The following PARD3 variants were observed in gnomAD, a reference collection of about 807,000 sequenced individuals.
PARD3 encodes the protein par-3 family cell polarity regulator.
PARD3 carries 75 observed loss-of-function variants against 155.4 expected under a neutral mutation model. That is an observed-to-expected ratio of 0.48 (90% CI 0.40 to 0.58). The LOEUF (loss-of-function observed/expected upper bound fraction) is 0.58, where lower values mean the gene tolerates loss of function less well. Among genes scored for constraint, PARD3 ranks in the 20% least tolerant of loss-of-function variants. The pLI is 0.00. For synonymous variants in PARD3, 576 were observed against 610.5 expected (o/e 0.94, Z 0.83); for missense variants, 1,642 against 1,721.7 (o/e 0.95, Z 0.82).
intron 1 of PARD3, among the ~76,000 whole-genome samples, chr10:34,717,108 T>C (rs2094533469): frequency 6.6e-6 from 1 of 152,172 alleles, no homozygotes; most frequent in Non-Finnish European, 1.5e-5. Context: ...GTGCAGCTGG[T>C]GACCTGGGCC....
intron 14 of PARD3, among the ~76,000 whole-genome samples, chr10:34,351,209 T>A (rs1838041566): frequency 6.6e-6 from 1 of 152,202 alleles, no homozygotes. Flanking sequence ...TAAAACTGGA[T>A]TCTCACTGGT....
chr10:34,813,938 A>G lies in PARD3; in HGVS notation c.120+938T>C, dbSNP rs7921894. On this transcript the variant is annotated intron_variant, in intron 1 of 24. Transcript: ENST00000374788. The stretch of plus-strand genomic sequence containing the variant: ...TTGTCAAACACAGACACAGTCGGTA[A>G]AACAATTTAACAAAACGCCTTTTCA... Among the ~76,000 whole-genome samples the G allele has an allele frequency of 3.3e-5, 5 of 152,374 alleles. No individual in the cohort carries two copies. In the South Asian group the frequency reaches 8.3e-4, roughly 25 times the overall value.
At chr10:34,731,888 T>C (rs962217141) in intron 1 of PARD3, among the ~76,000 whole-genome samples, 1 of 152,176 alleles carries the variant, frequency 6.6e-6, no homozygotes, top group African/African-American at 2.4e-5. Context: ...GAGACAAGTA[T>C]AATGAGAAAT....
chr10:34,501,362 C>CT (rs960296127), intron 3 of PARD3, among the ~76,000 whole-genome samples: 20 of 152,120 alleles, frequency 1.3e-4, no homozygotes, highest in Non-Finnish European at 2.9e-5. Flanking sequence ...GACGTGCCTC[C>CT]TCCCCCTTCA....
At chr10:34,396,610 T>C (rs1241778156) in intron 7 of PARD3, among the ~76,000 whole-genome samples, 3 of 152,220 alleles carry the variant, frequency 2.0e-5, no homozygotes, top group Non-Finnish European at 2.9e-5. Flanking sequence ...CATGTATTTG[T>C]CACTTTTATA....
chr10:34,727,440 A>G lies in PARD3; in HGVS notation c.121-31021T>C, dbSNP rs574678147. Among the ~76,000 whole-genome samples the G allele has an allele frequency of 7.9e-5, 12 of 152,290 alleles. No individual in the cohort carries two copies. The East Asian group carries it at 2.3e-3, about 29-fold the overall frequency. On this transcript the variant is annotated intron_variant, in intron 1 of 24. Coordinates refer to ENST00000374788, the MANE Select transcript of PARD3 (RefSeq NM_001184785.2). The stretch of plus-strand genomic sequence containing the variant: ...CTGCAGGCAGGGCAAGCCTCATAGG[A>G]CCCAAAGTACATCAGTCCTTCCAGA...
chr10:34,261,602 T>C (rs1954963506), intron 22 of PARD3, among the ~76,000 whole-genome samples: 1 of 151,686 alleles, frequency 6.6e-6, no homozygotes, highest in African/African-American at 2.4e-5. Flanking sequence ...GGCAGAAGAA[T>C]TGCTTGAACC....
rs1334910424 is a variant in PARD3, at chr10:34,201,501, T to C, written c.3419+68156A>G. Among the ~76,000 whole-genome samples, 4 of 152,344 alleles carry C rather than the reference T, an allele frequency of 2.6e-5. No homozygotes were observed. In the East Asian group the frequency reaches 7.7e-4, roughly 29 times the overall value. On this transcript the variant is annotated intron_variant, in intron 22 of 24. Coordinates refer to ENST00000374788, the MANE Select transcript of PARD3 (RefSeq NM_001184785.2). ...GAAGGAAATGAAAAGCCATCTATAC[T>C]AAGGGCATAGAATGCTTTGGAGAGA...
chr10:34,323,338 A>G (rs1272691290), intron 19 of PARD3, among the ~76,000 whole-genome samples: 1 of 152,160 alleles, frequency 6.6e-6, no homozygotes, highest in Non-Finnish European at 1.5e-5. Flanking sequence ...AAACCAAAAA[A>G]AGGAAACCAC....
chr10:34,363,299 A>T (rs1170488355), intron 12 of PARD3, among the ~76,000 whole-genome samples: 1 of 146,144 alleles, frequency 6.8e-6, no homozygotes, highest in East Asian at 2.0e-4. Flanking sequence ...CCTGTTTTAA[A>T]GAAGAGCATA....
chr10:34,722,557 G>A (rs1393774405), intron 1 of PARD3, among the ~76,000 whole-genome samples: 1 of 152,114 alleles, frequency 6.6e-6, no homozygotes, highest in East Asian at 1.9e-4. Flanking sequence ...TTGATGTTCA[G>A]CACGGTACTC....
At position 34,306,549 on chromosome 10, in the gene PARD3, T is replaced by C. The variant is rs371561241; in HGVS notation, c.3065+10558A>G. 6.1e-4 allele frequency among the ~76,000 whole-genome samples: 93 copies of C among 151,684 alleles called. No homozygotes were observed. In the East Asian group the frequency reaches 8.9e-3, roughly 15 times the overall value. On this transcript the variant is annotated intron_variant, in intron 20 of 24. Transcript: ENST00000374788. ...CTGTAATCCCAGCTACTCGGGAGGC[T>C]GAGGCAGGAGAATCGCTTGAACCTG...
At chr10:34,611,486 T>G (rs771811792) in intron 2 of PARD3, among the ~76,000 whole-genome samples, 1 of 152,160 alleles carries the variant, frequency 6.6e-6, no homozygotes. Flanking sequence ...AAAAGACACA[T>G]GCAGGAGTAA....
intron 1 of PARD3, among the ~76,000 whole-genome samples, chr10:34,736,008 G>C (rs1355763444): frequency 6.6e-6 from 1 of 151,868 alleles, no homozygotes; most frequent in Admixed American, 6.6e-5. Context: ...ACAGGCATGA[G>C]CCACCACACC....
At chr10:34,348,878 A>C (rs1564614245) in intron 14 of PARD3, among the ~76,000 whole-genome samples, 1 of 152,252 alleles carries the variant, frequency 6.6e-6, no homozygotes, top group Non-Finnish European at 1.5e-5. Context: ...GATGACAATA[A>C]ATTAAAATGT....
In PARD3 at chr10:34,182,652, C is replaced by T. The variant is rs573186358; in HGVS notation, c.3420-51069G>A. Among the ~76,000 whole-genome samples the T allele has an allele frequency of 1.8e-4, 27 of 150,288 alleles. 1 individual carries two copies. Among genetic ancestry groups the T allele is most frequent in the Non-Finnish European group, 3.7e-4 (25 of 67,850 alleles). ...CATTGTGATATCAGCCAAAAGATCA[C>T]GAACAAATCTTATCTATTCAGTAAA... is the stretch of plus-strand genomic sequence containing the variant. On this transcript the variant is annotated intron_variant, in intron 22 of 24. Transcript: ENST00000374788.
At chr10:34,191,843 T>G (rs138326178) in intron 22 of PARD3, among the ~76,000 whole-genome samples, 28 of 152,268 alleles carry the variant, frequency 1.8e-4, no homozygotes, top group Non-Finnish European at 3.4e-4. Flanking sequence ...TTAGGGAACC[T>G]GAGTCTAAGA....
intron 2 of PARD3, among the ~76,000 whole-genome samples, chr10:34,678,026 A>G (rs746107769): frequency 6.6e-6 from 1 of 152,090 alleles, no homozygotes; most frequent in South Asian, 2.1e-4. Flanking sequence ...CAGTAGCTTC[A>G]AAGAATTCTT....
intron 22 of PARD3, among the ~76,000 whole-genome samples, chr10:34,137,377 T>C (rs1414329357): frequency 6.6e-6 from 1 of 152,184 alleles, no homozygotes; most frequent in South Asian, 2.1e-4. Flanking sequence ...GAAGCTGATA[T>C]TTCCCTAGTA....
Sources: allele counts gnomAD v4.1 joint callset (sites outside exome capture counted in the v4.1 genomes callset), GRCh38; gene constraint gnomAD v4.1.1; transcripts MANE v1.5; gene names NCBI Gene and HGNC (gene_info 2026-07-23, HGNC 2026-07-21).